The following SGPP2 variants were observed in gnomAD, a reference collection of about 807,000 sequenced individuals.
SGPP2 encodes the protein sphingosine-1-phosphate phosphatase 2.
SGPP2 carries 30 observed loss-of-function variants against 33.9 expected under a neutral mutation model. The observed-to-expected ratio is 0.89, with a 90% CI of 0.66 to 1.20. SGPP2 has a LOEUF of 1.20. Among genes scored for constraint, SGPP2 ranks in the 50% most tolerant of loss-of-function variants. The probability of loss-of-function intolerance (pLI) is 0.00; values close to 1 mark genes in which losing one functional copy is unlikely to be tolerated. For missense variants in SGPP2, 458 were observed against 532.1 expected (o/e 0.86, Z 1.37); for synonymous variants, 233 against 225.0 (o/e 1.04, Z -0.32).
chr2:222,446,624 T>G (rs1054200299), intron 1 of SGPP2, among the ~76,000 whole-genome samples: 2 of 152,246 alleles, frequency 1.3e-5, no homozygotes, highest in African/African-American at 4.8e-5. Flanking sequence ...TTAATCACTA[T>G]TTCATTGGCT....
chr2:222,437,724 A>T (rs562282774), intron 1 of SGPP2, among the ~76,000 whole-genome samples: 45 of 152,316 alleles, frequency 3.0e-4, no homozygotes, highest in Non-Finnish European at 2.4e-4. Context: ...CATGACGGGC[A>T]GTTCAGGTCT....
intron 2 of SGPP2, among the ~76,000 whole-genome samples, chr2:222,512,997 T>A (rs1698553943): frequency 6.6e-6 from 1 of 152,166 alleles, no homozygotes; most frequent in Non-Finnish European, 1.5e-5. Context: ...CACCAAAGAG[T>A]GTGACATCTG....
chr2:222,452,763 T>G, intron 1 of SGPP2: 1 of 1,468,690 alleles, frequency 6.8e-7, no homozygotes, highest in Non-Finnish European at 9.5e-7. Flanking sequence ...GCATTCCTGG[T>G]GGTAAGAAGA....
At chr2:222,533,124 A>G (rs1397321405) in intron 4 of SGPP2, among the ~76,000 whole-genome samples, 2 of 152,152 alleles carry the variant, frequency 1.3e-5, no homozygotes, top group African/African-American at 4.8e-5. Flanking sequence ...CTGAAGGAAA[A>G]GACAGAGAGA....
At chr2:222,464,734 C>T (rs1490894853) in intron 1 of SGPP2, among the ~76,000 whole-genome samples, 1 of 152,184 alleles carries the variant, frequency 6.6e-6, no homozygotes, top group African/African-American at 2.4e-5. Flanking sequence ...CCTCCTACCT[C>T]AGCCTCCCAA....
At chr2:222,486,941 A>T (rs10192016) in intron 2 of SGPP2, among the ~76,000 whole-genome samples, 11,236 of 152,112 alleles carry the variant, frequency 0.074, 463 homozygotes, top group Middle Eastern at 0.085. Flanking sequence ...AAAAATTAAA[A>T]TTTTTTTCTT....
intron 1 of SGPP2, among the ~76,000 whole-genome samples, chr2:222,428,744 T>A (rs1411985963): frequency 6.6e-6 from 1 of 151,250 alleles, no homozygotes; most frequent in Non-Finnish European, 1.5e-5. Context: ...GGTTGTCCCA[T>A]CTGCAGAATG....
intron 1 of SGPP2, among the ~76,000 whole-genome samples, chr2:222,436,654 T>C (rs1697245485): frequency 6.6e-6 from 1 of 152,200 alleles, no homozygotes; most frequent in East Asian, 1.9e-4. Flanking sequence ...TGTGGGATAC[T>C]ATGACGGTAG....
At chr2:222,430,772 C>T (rs1697142318) in intron 1 of SGPP2, among the ~76,000 whole-genome samples, 1 of 152,212 alleles carries the variant, frequency 6.6e-6, no homozygotes, top group South Asian at 2.1e-4. Context: ...AGTGGTAAGT[C>T]ATGTTGACAT....
At chr2:222,424,867 C>T in intron 1 of SGPP2, 46 bp downstream of exon 1, 1 of 1,274,098 alleles carries the variant, frequency 7.8e-7, no homozygotes, top group Middle Eastern at 3.0e-4. Context: ...GGGGCGGCTG[C>T]GGACGTGCGG....
chr2:222,549,040 T>C (rs1438076699), intron 4 of SGPP2, among the ~76,000 whole-genome samples: 1 of 152,250 alleles, frequency 6.6e-6, no homozygotes, highest in Non-Finnish European at 1.5e-5. Flanking sequence ...TCGCAGCATC[T>C]GCAAAGAAGT....
At chr2:222,437,627 A>G (rs1321676050) in intron 1 of SGPP2, among the ~76,000 whole-genome samples, 1 of 152,198 alleles carries the variant, frequency 6.6e-6, no homozygotes, top group Non-Finnish European at 1.5e-5. Context: ...CTCTAGCCCA[A>G]TCACATATAT....
chr2:222,457,217 A>G (rs1422417963), intron 1 of SGPP2, among the ~76,000 whole-genome samples: 1 of 151,974 alleles, frequency 6.6e-6, no homozygotes. Context: ...ATGTTTTGCA[A>G]ATATGAGGCA....
intron 2 of SGPP2, among the ~76,000 whole-genome samples, chr2:222,483,284 A>G (rs1213067667): frequency 1.3e-5 from 2 of 151,922 alleles, no homozygotes; most frequent in Non-Finnish European, 2.9e-5. Context: ...AAAATGCGTA[A>G]TTGCGTGGCA....
intron 1 of SGPP2, among the ~76,000 whole-genome samples, chr2:222,433,594 G>C (rs1697191381): frequency 6.6e-6 from 1 of 152,170 alleles, no homozygotes. Context: ...GCCTTTGTCT[G>C]ACTTGGCAGA....
At chr2:222,536,289 C>T (rs956236302) in intron 4 of SGPP2, among the ~76,000 whole-genome samples, 5 of 152,188 alleles carry the variant, frequency 3.3e-5, no homozygotes, top group Admixed American at 2.6e-4. Flanking sequence ...CTGACCTTCC[C>T]ATTTATTTGC....
intron 1 of SGPP2, among the ~76,000 whole-genome samples, chr2:222,444,073 T>C (rs949569773): frequency 4.6e-5 from 7 of 152,246 alleles, no homozygotes; most frequent in Admixed American, 4.6e-4. Context: ...CTGCTACTAC[T>C]GCTAATGGCA....
chr2:222,527,700 A>G (rs776016394), intron 4 of SGPP2, among the ~76,000 whole-genome samples: 1 of 152,214 alleles, frequency 6.6e-6, no homozygotes, highest in Non-Finnish European at 1.5e-5. Context: ...CATGCTCATA[A>G]TTTTATTTCA....
rs1698739382 is a variant in SGPP2, at chr2:222,525,095, A to G, written c.648+62A>G. On this transcript the variant is annotated intron_variant, in intron 4 of 4. Transcript: ENST00000321276. ...GAATGATATTGTGGTCAGTGTGTCAATATGTTTCTCATACTACTTATTTAT... is the reference window on the plus strand; with the variant it reads ...GAATGATATTGTGGTCAGTGTGTCAGTATGTTTCTCATACTACTTATTTAT... 11 of 1,221,330 alleles carry G rather than the reference A, an allele frequency of 9.0e-6. No homozygotes were observed. The South Asian group carries it at 1.3e-4, about 15-fold the overall frequency. 75.7% of individuals were successfully genotyped at this position (1,221,330 alleles called of 1,614,324 possible).
Sources: gnomAD v4.1 joint callset for allele counts (sites outside exome capture counted in the v4.1 genomes callset) on GRCh38, gnomAD v4.1.1 for gene constraint, MANE v1.5 for transcripts, NCBI Gene and HGNC (gene_info 2026-07-23, HGNC 2026-07-21) for gene names.